The following LRRC45 variants were observed in gnomAD, a reference collection of about 807,000 sequenced individuals.
LRRC45 encodes the protein leucine rich repeat containing 45, also known as leucine-rich repeat-containing protein 45.
Under a neutral mutation model 85.4 loss-of-function variants are expected in LRRC45, and 73 were observed. The ratio of observed to expected loss-of-function variants is 0.85; its 90% CI spans 0.71 to 1.04. The LOEUF (loss-of-function observed/expected upper bound fraction) is 1.04. LRRC45 is among the 50% of genes least tolerant of loss of function. The probability of loss-of-function intolerance (pLI) is 0.00; values close to 1 mark genes in which losing one functional copy is unlikely to be tolerated. For synonymous variants in LRRC45, 429 were observed against 386.0 expected (o/e 1.11, Z -1.31); for missense variants, 937 against 883.3 (o/e 1.06, Z -0.77).
intron 1 of LRRC45, 105 bp downstream of exon 1, chr17:82,023,968 G>A (rs2043340496): frequency 1.7e-6 from 2 of 1,156,630 alleles, no homozygotes; most frequent in Non-Finnish European, 2.4e-6. Context: ...TTTCTGTGCC[G>A]TAGTTAAAGC....
Position 82,024,157 on chromosome 17 carries a change from A to G in LRRC45, c.221-121A>G, listed in dbSNP as rs1238402886. 8.3e-6 allele frequency: 10 copies of G among 1,199,104 alleles called. 1 individual carries two copies. The Admixed American group carries it at 2.3e-4, about 28-fold the overall frequency. 74.3% of individuals were successfully genotyped at this position (1,199,104 alleles called of 1,614,324 possible). On this transcript the variant is annotated intron_variant, in intron 1 of 16. Transcript: ENST00000306688. ...GCAGCGAGACTCTTGGCCAGCGCCA[A>G]CCCAGACCATCGGGACAGTTGTCCC...
In LRRC45 at chr17:82,030,569, G is replaced by GC. The variant is rs768275274; in HGVS notation, c.1817-39dup. ...CCGTGCTGAGGCCGTGCCACGGTGC[G>GC]CTGGGGCTGCGTCCGCTCACTGCGC... On this transcript the variant is annotated intron_variant, in intron 16 of 16. Transcript: ENST00000306688. 20 of 1,468,364 alleles carry GC rather than the reference G, an allele frequency of 1.4e-5. No individual in the cohort carries two copies. In the Admixed American group the frequency reaches 2.9e-4, roughly 21 times the overall value. The allele number at this position is 1,468,364 out of a possible 1,614,324, so 91.0% of individuals were successfully genotyped here.
In LRRC45 at chr17:82,023,459, C is replaced by T; in HGVS notation, c.-185C>T. On this transcript the variant is annotated 5_prime_UTR_variant, in exon 1 of 17. Transcript: ENST00000306688. The stretch of plus-strand genomic sequence containing the variant: ...TGCGGGGCCCCAGCCCAAAGCGGAC[C>T]TTGACTACCGCCCAGCCCCGCGCTC... The T allele has an allele frequency of 1.7e-6, 1 of 582,682 alleles. No homozygotes were observed. Among genetic ancestry groups the T allele is most frequent in the Non-Finnish European group, 3.0e-6 (1 of 337,766 alleles). The allele number at this position is 582,682 out of a possible 1,614,324, so 36.1% of individuals were successfully genotyped here. A position where few individuals can be genotyped will look rare whatever the true frequency, so the allele number is the denominator to read the frequency against.
chr17:82,023,737 A>T lies in LRRC45; in HGVS notation c.94A>T (p.Arg32Trp). Residue 32 changes from arginine to tryptophan, a missense_variant, in exon 1 of 17, where the codon AGG (arginine) becomes TGG (tryptophan). Arg to Trp is a moderately radical substitution (Grantham distance 101). Coordinates refer to ENST00000306688, the MANE Select transcript of LRRC45 (RefSeq NM_144999.4). Reference sequence around the variant, plus strand: ...CCTGCAGCAGCTGCACCAGCTTCCCAGGGGCCGGCTGGACCTGGCCACGCA... The same window carrying T: ...CCTGCAGCAGCTGCACCAGCTTCCCTGGGGCCGGCTGGACCTGGCCACGCA... ...AVLQQLHQLP[R>W]GRLDLATQSL... The T allele has an allele frequency of 6.4e-7, 1 of 1,551,692 alleles. No individual in the cohort carries two copies. Among genetic ancestry groups the T allele is most frequent in the Non-Finnish European group, 8.7e-7 (1 of 1,152,242 alleles).
Position 82,023,406 on chromosome 17 carries a change from G to C in LRRC45, c.-238G>C. On this transcript the variant is annotated 5_prime_UTR_variant, in exon 1 of 17. Transcript: ENST00000306688. ...GTGGGGGCGCGCGACGCACCTGCCTGCTTCCTGCACGGGTGGTCCCCAAGC... is the reference window on the plus strand; with the variant it reads ...GTGGGGGCGCGCGACGCACCTGCCTCCTTCCTGCACGGGTGGTCCCCAAGC... 1.9e-6 allele frequency: 1 copy of C among 512,900 alleles called. No homozygotes were observed. Among genetic ancestry groups the C allele is most frequent in the Non-Finnish European group, 3.4e-6 (1 of 292,990 alleles). The allele number at this position is 512,900 out of a possible 1,614,324, so 31.8% of individuals were successfully genotyped here. A position where few individuals can be genotyped will look rare whatever the true frequency, so the allele number is the denominator to read the frequency against.
In LRRC45 at chr17:82,026,885, A is replaced by G; in HGVS notation, c.662-14A>G. The G allele has an allele frequency of 6.3e-7, 1 of 1,591,644 alleles. No individual in the cohort carries two copies. Among genetic ancestry groups the G allele is most frequent in the Non-Finnish European group, 8.5e-7 (1 of 1,172,590 alleles). On this transcript the variant is annotated splice_polypyrimidine_tract_variant and intron_variant, in intron 5 of 16. Coordinates refer to ENST00000306688, the MANE Select transcript of LRRC45 (RefSeq NM_144999.4). Reference sequence around the variant, plus strand: ...ATGAGCCCCTGTGCCCAGCTGACACAGCTCCTTCTGCAGAGCAAGCCATGG... The same window carrying G: ...ATGAGCCCCTGTGCCCAGCTGACACGGCTCCTTCTGCAGAGCAAGCCATGG...
chr17:82,025,404 C>T lies in LRRC45; in HGVS notation c.558C>T (p.Leu186=). The T allele has an allele frequency of 6.3e-7, 1 of 1,596,690 alleles. No homozygotes were observed. The highest frequency in any genetic ancestry group is 2.2e-5 in the East Asian group (1 of 44,598). The change falls in exon 5 of 17, where the codon CTC becomes CTT. Residue 186 remains leucine (L), a synonymous_variant. Transcript: ENST00000306688. ...ACCTGCGCTGGAATAACGTTGGCCTCCTGGGGGGCCGGGCCCTCATGAACT... is the reference window on the plus strand; with the variant it reads ...ACCTGCGCTGGAATAACGTTGGCCTTCTGGGGGGCCGGGCCCTCATGAACT... The part of the protein sequence containing the change: ...QLDLRWNNVG[L]LGGRALMNCL...
intron 5 of LRRC45, among the ~76,000 whole-genome samples, chr17:82,026,376 C>T (rs763706346): frequency 3.9e-5 from 6 of 152,178 alleles, no homozygotes; most frequent in African/African-American, 9.7e-5. Flanking sequence ...CAACACCAGG[C>T]GGCTCTTGCT....
rs536183637 is a variant in LRRC45, at chr17:82,029,367, G to C, written c.1402-176G>C. On this transcript the variant is annotated intron_variant, in intron 13 of 16. Transcript: ENST00000306688. ...AGCTAAAGGGACTTAGGTGGCATTCGGACTTCCTTGGCCTTAGGAACCTTG... is the reference window on the plus strand; with the variant it reads ...AGCTAAAGGGACTTAGGTGGCATTCCGACTTCCTTGGCCTTAGGAACCTTG... 395 of 899,512 alleles carry C rather than the reference G, an allele frequency of 4.4e-4. 3 individuals carry two copies. Among genetic ancestry groups the C allele is most frequent in the Non-Finnish European group, 5.7e-4 (340 of 594,496 alleles). 55.7% of individuals were successfully genotyped at this position (899,512 alleles called of 1,614,324 possible). A position where few individuals can be genotyped will look rare whatever the true frequency, so the allele number is the denominator to read the frequency against.
chr17:82,026,564 T>TTGTGTGTA (rs2043369038), intron 5 of LRRC45, among the ~76,000 whole-genome samples: 1 of 137,466 alleles, frequency 7.3e-6, no homozygotes, highest in Non-Finnish European at 1.6e-5. Flanking sequence ...CACAGCTCCT[T>TTGTGTGTA]TGTGTGTGTG....
chr17:82,025,061 G>A lies in LRRC45; in HGVS notation c.415G>A (p.Gly139Ser), dbSNP rs1232777002. The A allele has an allele frequency of 1.2e-5, 19 of 1,609,106 alleles. No homozygotes were observed. Among genetic ancestry groups the A allele is most frequent in the Non-Finnish European group, 1.6e-5 (19 of 1,178,372 alleles). Residue 139 changes from glycine to serine, a missense_variant, in exon 4 of 17, where the codon GGC becomes AGC. Coordinates refer to ENST00000306688, the MANE Select transcript of LRRC45 (RefSeq NM_144999.4). Reference sequence around the variant, plus strand: ...CGATGCCTTCGCCACCTTCTGCGGGGGCCTGGCGGCCAACGGCGCCCTGCA... The same window carrying A: ...CGATGCCTTCGCCACCTTCTGCGGGAGCCTGGCGGCCAACGGCGCCCTGCA... ...WDDAFATFCGGLAANGALQRL... is the reference protein window; with the variant it reads ...WDDAFATFCGSLAANGALQRL...
At chr17:82,026,360 G>A (rs549085492) in intron 5 of LRRC45, among the ~76,000 whole-genome samples, 1 of 152,254 alleles carries the variant, frequency 6.6e-6, no homozygotes, top group Non-Finnish European at 1.5e-5. Flanking sequence ...ATGTGCACGC[G>A]CTCCCCAACA....
rs778013099 is a variant in LRRC45, at chr17:82,029,144, C to T, written c.1360C>T (p.Arg454Trp). 32 of 1,612,458 alleles carry T rather than the reference C, an allele frequency of 2.0e-5. No homozygotes were observed. The highest frequency in any genetic ancestry group is 4.5e-5 in the East Asian group (2 of 44,888). The change falls in exon 13 of 17, where the codon CGG (arginine) becomes TGG (tryptophan). Residue 454 changes from arginine (R) to tryptophan (W), a missense_variant. Arg to Trp is a moderately radical substitution (Grantham distance 101). Transcript: ENST00000306688. ...GGAGAGTGAGAAGGCCATGCAGGAGCGGGTGCAGAGGCTGGAGGCGGCGCG... is the reference window on the plus strand; with the variant it reads ...GGAGAGTGAGAAGGCCATGCAGGAGTGGGTGCAGAGGCTGGAGGCGGCGCG... The part of the protein sequence containing the change: ...LEESEKAMQE[R>W]VQRLEAARLS...
At position 82,030,384 on chromosome 17, in the gene LRRC45, G is replaced by A. The variant is rs927680173; in HGVS notation, c.1734G>A (p.Glu578=). 1.5e-5 allele frequency: 24 copies of A among 1,549,848 alleles called. No individual in the cohort carries two copies. The highest frequency in any genetic ancestry group is 2.0e-5 in the Admixed American group (1 of 51,034). ...EVSRVRVELQ[E]QNGRLQAELA... ...GCAGGGTGCGCGTGGAGCTGCAGGA[G>A]CAGAACGGCCGGCTGCAGGCGGAGC... The change falls in exon 16 of 17, where the codon GAG becomes GAA. Residue 578 remains glutamate, a synonymous_variant. Coordinates refer to ENST00000306688, the MANE Select transcript of LRRC45 (RefSeq NM_144999.4).
rs1363618990 is a variant in LRRC45 at position 82,028,164 on chromosome 17, G to C, written c.1047+18G>C. 6.4e-7 allele frequency: 1 copy of C among 1,561,210 alleles called. No individual in the cohort carries two copies. Among genetic ancestry groups the C allele is most frequent in the Admixed American group, 1.9e-5 (1 of 51,634 alleles). On this transcript the variant is annotated intron_variant, in intron 9 of 16. Transcript: ENST00000306688. ...AGCAGCAGGTGGGTGGGCAGGGCTT[G>C]AGAGGGGTGGGCCAAGGGGTGCGTG... is the stretch of plus-strand genomic sequence containing the variant.
Position 82,030,155 on chromosome 17 carries a change from G to C in LRRC45, c.1585G>C (p.Val529Leu), listed in dbSNP as rs1426984623. 6.5e-7 allele frequency: 1 copy of C among 1,547,692 alleles called. No homozygotes were observed. ...AQGACLQQKQVVAEAQTRVSQ... is the reference protein window; with the variant it reads ...AQGACLQQKQLVAEAQTRVSQ... ...GGGCGCTTGCCTACAGCAGAAGCAG[G>C]TGGTGGCCGAGGCCCAGACCCGGGT... The change falls in exon 15 of 17, where the codon GTG becomes CTG. Residue 529 changes from valine to leucine, a missense_variant. Transcript: ENST00000306688.
chr17:82,029,289 C>A (rs1019830716), intron 13 of LRRC45, 104 bp downstream of exon 13: 8 of 1,189,222 alleles, frequency 6.7e-6, no homozygotes, highest in Middle Eastern at 2.8e-4. Flanking sequence ...TCTTCCTGTT[C>A]CCAGAGGCTC....
chr17:82,029,125 T>C lies in LRRC45; in HGVS notation c.1341T>C (p.Ser447=). 1.2e-6 allele frequency: 2 copies of C among 1,611,880 alleles called. No individual in the cohort carries two copies. The highest frequency in any genetic ancestry group is 1.7e-6 in the Non-Finnish European group (2 of 1,179,708). The change falls in exon 13 of 17, where the codon AGT becomes AGC. Residue 447 remains serine (S), a synonymous_variant. Transcript: ENST00000306688. ...VEHMTRHLEE[S]EKAMQERVQR... Reference sequence around the variant, plus strand: ...ATATGACCCGTCACCTGGAGGAGAGTGAGAAGGCCATGCAGGAGCGGGTGC... The same window carrying C: ...ATATGACCCGTCACCTGGAGGAGAGCGAGAAGGCCATGCAGGAGCGGGTGC...
intron 16 of LRRC45, 42 bp downstream of exon 16, chr17:82,030,508 G>C (rs369485441): frequency 1.3e-6 from 2 of 1,528,482 alleles, no homozygotes; most frequent in Non-Finnish European, 1.8e-6. Flanking sequence ...CTGGTGGGAC[G>C]TGAGGCCAGC....
Sources: gnomAD v4.1 joint callset for allele counts (sites outside exome capture counted in the v4.1 genomes callset) on GRCh38, gnomAD v4.1.1 for gene constraint, MANE v1.5 for transcripts, NCBI Gene and HGNC (gene_info 2026-07-23, HGNC 2026-07-21) for gene names.